The following TMEM45B variants were observed in gnomAD, a reference collection of about 807,000 sequenced individuals.
The protein encoded by TMEM45B is transmembrane protein 45B.
In TMEM45B, 29 loss-of-function variants were observed where a neutral mutation model predicts 27.3. That is an observed-to-expected ratio of 1.06 (90% CI 0.79 to 1.45). The LOEUF (loss-of-function observed/expected upper bound fraction) is 1.45, where lower values mean the gene tolerates loss of function less well. Among genes scored for constraint, TMEM45B ranks in the 40% most tolerant of loss-of-function variants. The pLI, the probability that TMEM45B is intolerant of heterozygous loss-of-function variation, is 0.00. For missense variants in TMEM45B, 348 were observed against 343.9 expected (o/e 1.01, Z -0.09); for synonymous variants, 143 against 134.7 (o/e 1.06, Z -0.43).
intron 1 of TMEM45B, among the ~76,000 whole-genome samples, chr11:129,827,742 C>A (rs1259205402): frequency 6.6e-6 from 1 of 152,048 alleles, no homozygotes; most frequent in African/African-American, 2.4e-5. Context: ...GCGGAGGTTG[C>A]CATGAGCTGA....
In TMEM45B at chr11:129,854,625, A is replaced by G. The variant is rs759053440; in HGVS notation, c.194A>G (p.Gln65Arg). ...LFSVTGILAE[Q>R]FVPDGPHLHL... is the part of the protein sequence containing the mutation. ...TTCCCTGCAGGGATCCTGGCAGAGC[A>G]GTTTGTTCCGGATGGGCCCCACCTG... The change falls in exon 3 of 6, where the codon CAG (glutamine) becomes CGG (arginine). Residue 65 changes from glutamine (Q) to arginine (R), a missense_variant. Gln to Arg is a conservative substitution (Grantham distance 43). Coordinates refer to ENST00000281441, the MANE Select transcript of TMEM45B (RefSeq NM_138788.5). 2 of 1,614,222 alleles carry G rather than the reference A, an allele frequency of 1.2e-6. No individual in the cohort carries two copies. The highest frequency in any genetic ancestry group is 1.7e-6 in the Non-Finnish European group (2 of 1,180,032).
At chr11:129,821,862 G>C (rs985775589) in intron 1 of TMEM45B, among the ~76,000 whole-genome samples, 4 of 151,900 alleles carry the variant, frequency 2.6e-5, no homozygotes, top group African/African-American at 9.7e-5. Context: ...GTTTTTTGGC[G>C]GGGTGGGGGG....
At chr11:129,831,498 G>C (rs1474554745) in intron 1 of TMEM45B, among the ~76,000 whole-genome samples, 3 of 152,162 alleles carry the variant, frequency 2.0e-5, no homozygotes, top group African/African-American at 7.2e-5. Context: ...ACTCAGAATG[G>C]TGTGCCATTT....
intron 1 of TMEM45B, among the ~76,000 whole-genome samples, chr11:129,816,936 C>A (rs1320401724): frequency 6.7e-6 from 1 of 149,856 alleles, no homozygotes; most frequent in Non-Finnish European, 1.5e-5. Context: ...TTGGTAGAGA[C>A]GGGGTTTCAC....
At chr11:129,854,551 C>T in intron 2 of TMEM45B, 59 bp from the exon 3 acceptor site, 4 of 1,555,854 alleles carry the variant, frequency 2.6e-6, no homozygotes, top group Admixed American at 1.8e-5. Flanking sequence ...TTATTCCTTG[C>T]TCCTATTTGT....
intron 1 of TMEM45B, among the ~76,000 whole-genome samples, chr11:129,817,286 G>A (rs1357732590): frequency 6.6e-6 from 1 of 152,170 alleles, no homozygotes; most frequent in Non-Finnish European, 1.5e-5. Context: ...GTTGTGCAGT[G>A]GGAAGTTATG....
At chr11:129,831,186 T>C (rs949861471) in intron 1 of TMEM45B, among the ~76,000 whole-genome samples, 2 of 152,224 alleles carry the variant, frequency 1.3e-5, no homozygotes, top group African/African-American at 4.8e-5. Flanking sequence ...GGATGAAGAT[T>C]CATTTTTACT....
chr11:129,855,881 T>C lies in TMEM45B; in HGVS notation c.559T>C (p.Trp187Arg). The C allele has an allele frequency of 6.2e-7, 1 of 1,614,148 alleles. No homozygotes were observed. Among genetic ancestry groups the C allele is most frequent in the Non-Finnish European group, 8.5e-7 (1 of 1,180,008 alleles). ...RTSLIILQGTWFWQIGFVLFP... is the reference protein window; with the variant it reads ...RTSLIILQGTRFWQIGFVLFP... ...CAGTCTCATCATTCTTCAGGGAACCTGGTTCTGGCAGGTGATTTTCCACAC... is the reference window on the plus strand; with the variant it reads ...CAGTCTCATCATTCTTCAGGGAACCCGGTTCTGGCAGGTGATTTTCCACAC... Residue 187 changes from tryptophan (W) to arginine (R), a missense_variant, in exon 4 of 6, where the codon TGG becomes CGG. Transcript: ENST00000281441.
chr11:129,841,592 GTTTTTTT>G (rs567723417), intron 1 of TMEM45B, among the ~76,000 whole-genome samples: 1 of 124,600 alleles, frequency 8.0e-6, no homozygotes, highest in Non-Finnish European at 1.6e-5. Flanking sequence ...TTGTTTTTTT[GTTTTTTT>G]TTTTTTTTTG....
intron 4 of TMEM45B, among the ~76,000 whole-genome samples, chr11:129,856,244 C>A (rs1245046606): frequency 6.6e-6 from 1 of 152,148 alleles, no homozygotes; most frequent in African/African-American, 2.4e-5. Flanking sequence ...GAGAGACTCA[C>A]CCTGTCACCC....
intron 1 of TMEM45B, among the ~76,000 whole-genome samples, chr11:129,825,254 G>A (rs1226416959): frequency 3.3e-5 from 5 of 152,206 alleles, no homozygotes; most frequent in Middle Eastern, 3.4e-3. Flanking sequence ...TTGGGGAAGC[G>A]AATTTAGCAG....
chr11:129,852,542 T>C lies in TMEM45B; in HGVS notation c.60T>C (p.Cys20=). The change falls in exon 2 of 6, where the codon TGT becomes TGC. Residue 20 remains cysteine (C), a synonymous_variant. Coordinates refer to ENST00000281441, the MANE Select transcript of TMEM45B (RefSeq NM_138788.5). ...GTTTCTTCCTGATCATTGGGCTGTG[T>C]TGGTCAGTGAAGTACCCGCTGAAGT... ...PGSFFLIIGL[C]WSVKYPLKYF... The C allele has an allele frequency of 1.9e-6, 3 of 1,613,750 alleles. No individual in the cohort carries two copies. The highest frequency in any genetic ancestry group is 1.3e-5 in the African/African-American group (1 of 75,008).
intron 1 of TMEM45B, among the ~76,000 whole-genome samples, chr11:129,822,330 T>C (rs184897244): frequency 3.9e-5 from 6 of 152,306 alleles, no homozygotes; most frequent in Admixed American, 1.3e-4. Context: ...ATTTTTAAAG[T>C]GACGTTTAAT....
Sources: allele counts gnomAD v4.1 joint callset (sites outside exome capture counted in the v4.1 genomes callset), GRCh38; gene constraint gnomAD v4.1.1; transcripts MANE v1.5; gene names NCBI Gene and HGNC (gene_info 2026-07-23, HGNC 2026-07-21).